Variants in CUX2 observed in about 807,000 individuals in gnomAD.
The protein encoded by CUX2 is homeobox protein cut-like 2.
CUX2 carries 40 observed loss-of-function variants against 144.8 expected under a neutral mutation model. The ratio of observed to expected loss-of-function variants is 0.28; its 90% CI spans 0.21 to 0.36. The LOEUF is 0.36. Ranked by LOEUF, CUX2 falls within the 10% of genes least tolerant of loss-of-function variation. The pLI, the probability that CUX2 is intolerant of heterozygous loss-of-function variation, is 1.00. For missense variants in CUX2, 1,615 were observed against 1,994.0 expected, an observed-to-expected ratio of 0.81 and a Z score of 3.62; for synonymous variants, 827 against 875.6, an observed-to-expected ratio of 0.94 and a Z score of 0.98.
intron 3 of CUX2, among the ~76,000 whole-genome samples, chr12:111,218,771 T>C (rs1881689252): frequency 6.6e-6 from 1 of 152,352 alleles, no homozygotes; most frequent in Non-Finnish European, 1.5e-5. Context: ...CATTCTTTCC[T>C]GCCGACCCGC....
chr12:111,188,020 G>A (rs758065474), intron 1 of CUX2, among the ~76,000 whole-genome samples: 8 of 152,162 alleles, frequency 5.3e-5, no homozygotes, highest in East Asian at 1.9e-4. Flanking sequence ...GACATATTTC[G>A]AAAACCTTCA....
intron 3 of CUX2, among the ~76,000 whole-genome samples, chr12:111,256,613 C>T (rs1048793947): frequency 3.3e-5 from 5 of 152,146 alleles, no homozygotes; most frequent in Non-Finnish European, 5.9e-5. Flanking sequence ...GGCAGGTCCC[C>T]CTTTTCATGC....
intron 1 of CUX2, among the ~76,000 whole-genome samples, chr12:111,081,648 T>C (rs931433879): frequency 6.6e-6 from 1 of 151,844 alleles, no homozygotes; most frequent in African/African-American, 2.4e-5. Context: ...TGGTGACAAT[T>C]GGGAGAAGTT....
chr12:111,298,908 G>A (rs996062706), intron 9 of CUX2, among the ~76,000 whole-genome samples: 2 of 152,196 alleles, frequency 1.3e-5, no homozygotes, highest in Non-Finnish European at 2.9e-5. Flanking sequence ...CGTCCTAGAG[G>A]AAGGGATGTG....
At chr12:111,082,522 G>A (rs1299556836) in intron 1 of CUX2, among the ~76,000 whole-genome samples, 1 of 152,172 alleles carries the variant, frequency 6.6e-6, no homozygotes, top group Non-Finnish European at 1.5e-5. Context: ...AAACAGCAGG[G>A]ACCCAGGTCG....
At chr12:111,134,614 C>CTGTGTGTGTGTGTGTGTGTGTGTGTG (rs1159711656) in intron 1 of CUX2, among the ~76,000 whole-genome samples, 9 of 144,262 alleles carry the variant, frequency 6.2e-5, no homozygotes, top group Admixed American at 2.0e-4. Context: ...CTCTCTCTCT[C>CTGTGTGTGTGTGTGTGTGTGTGTGTG]TCTCTCTGTG....
intron 3 of CUX2, among the ~76,000 whole-genome samples, chr12:111,244,963 C>T (rs1883207111): frequency 1.3e-5 from 2 of 152,286 alleles, no homozygotes; most frequent in Admixed American, 1.3e-4. Flanking sequence ...CCATCCTGGG[C>T]TCTTAGCTGG....
intron 7 of CUX2, among the ~76,000 whole-genome samples, chr12:111,296,168 C>A (rs914149687): frequency 6.6e-6 from 1 of 152,070 alleles, no homozygotes; most frequent in Non-Finnish European, 1.5e-5. Flanking sequence ...GGGCAGACAG[C>A]ACCACGCCTC....
chr12:111,201,076 C>A (rs546792377), intron 1 of CUX2, among the ~76,000 whole-genome samples: 33 of 152,114 alleles, frequency 2.2e-4, no homozygotes, highest in African/African-American at 7.2e-4. Context: ...TTGTGACCAC[C>A]CTGGCCGCCC....
chr12:111,095,871 A>T (rs1192295366), intron 1 of CUX2, among the ~76,000 whole-genome samples: 1 of 152,236 alleles, frequency 6.6e-6, no homozygotes. Flanking sequence ...ATGAAGGAGC[A>T]TGCTGGGTGC....
intron 1 of CUX2, among the ~76,000 whole-genome samples, chr12:111,050,217 C>T (rs908064705): frequency 6.6e-6 from 1 of 151,870 alleles, no homozygotes; most frequent in Admixed American, 6.6e-5. Flanking sequence ...CCTCCTACCT[C>T]TTGCCGCCAC....
chr12:111,215,689 T>C (rs1348111870), intron 2 of CUX2, among the ~76,000 whole-genome samples: 1 of 152,134 alleles, frequency 6.6e-6, no homozygotes, highest in Non-Finnish European at 1.5e-5. Context: ...CAGAATGAGG[T>C]TACCTTTGAC....
At chr12:111,339,737 C>T (rs902596293) in intron 20 of CUX2, 2 of 152,300 alleles carry the variant, frequency 1.3e-5, no homozygotes. Context: ...GAGGGCAGGT[C>T]GTGTGATGAC....
At chr12:111,114,478 T>C (rs1044997409) in intron 1 of CUX2, among the ~76,000 whole-genome samples, 3 of 152,214 alleles carry the variant, frequency 2.0e-5, no homozygotes, top group Non-Finnish European at 2.9e-5. Context: ...GGATTCTTTA[T>C]ATATTCTGGG....
chr12:111,219,058 G>T (rs893530788), intron 3 of CUX2, among the ~76,000 whole-genome samples: 1 of 152,122 alleles, frequency 6.6e-6, no homozygotes, highest in Non-Finnish European at 1.5e-5. Flanking sequence ...AGGATTGGCC[G>T]TACTCGGATC....
At chr12:111,267,575 C>T (rs936681493) in intron 4 of CUX2, among the ~76,000 whole-genome samples, 1 of 152,178 alleles carries the variant, frequency 6.6e-6, no homozygotes, top group Non-Finnish European at 1.5e-5. Flanking sequence ...TAGTTTCCTA[C>T]GGCTGTTGTA....
intron 4 of CUX2, among the ~76,000 whole-genome samples, chr12:111,268,707 G>C (rs1398145248): frequency 6.6e-6 from 1 of 152,260 alleles, no homozygotes; most frequent in African/African-American, 2.4e-5. Context: ...CGTACTCATG[G>C]CCAAGAGGCC....
chr12:111,209,226 C>T (rs544854300), intron 1 of CUX2, among the ~76,000 whole-genome samples: 2 of 152,206 alleles, frequency 1.3e-5, no homozygotes, highest in East Asian at 3.9e-4. Context: ...GGCGAGACCC[C>T]CATCTCTACA....
At chr12:111,092,805 ATTTTTTTTTTTTTTTT>A (rs528129107) in intron 1 of CUX2, among the ~76,000 whole-genome samples, 11 of 106,036 alleles carry the variant, frequency 1.0e-4, no homozygotes, top group Middle Eastern at 5.5e-3. Context: ...GCTCTGGCAG[ATTTTTTTTTTTTTTTT>A]TTTTTTTTTT....
Sources: gnomAD v4.1 joint callset for allele counts (sites outside exome capture counted in the v4.1 genomes callset) on GRCh38, gnomAD v4.1.1 for gene constraint, MANE v1.5 for transcripts, NCBI Gene and HGNC (gene_info 2026-07-23, HGNC 2026-07-21) for gene names.